GALNS: variants seen among roughly 807,000 people sequenced by gnomAD.
GALNS encodes the protein N-acetylgalactosamine-6-sulfatase.
Under a neutral mutation model 65.9 loss-of-function variants are expected in GALNS, and 65 were observed. That is an observed-to-expected ratio of 0.99 (90% confidence interval 0.81 to 1.21). GALNS has a LOEUF of 1.21. Among genes scored for constraint, GALNS ranks in the 50% most tolerant of loss-of-function variants. The probability of loss-of-function intolerance (pLI) is 0.00; values close to 1 mark genes in which losing one functional copy is unlikely to be tolerated. For synonymous variants in GALNS, 346 were observed against 288.9 expected, an observed-to-expected ratio of 1.20 and a Z score of -2.00; for missense variants, 776 against 700.7, an observed-to-expected ratio of 1.11 and a Z score of -1.21.
At chr16:88,843,229 G>C in intron 1 of GALNS, 2 of 1,303,350 alleles carry the variant, frequency 1.5e-6, no homozygotes, top group Middle Eastern at 2.1e-4. Flanking sequence ...ACAGGCCCTC[G>C]TATGTCTGTA....
At chr16:88,851,910 G>A (rs1055062663) in intron 1 of GALNS, among the ~76,000 whole-genome samples, 6 of 152,262 alleles carry the variant, frequency 3.9e-5, no homozygotes, top group African/African-American at 1.2e-4. Context: ...TGCCTCTGTA[G>A]ACCCCACCTC....
At chr16:88,853,997 G>C (rs1266220101) in intron 1 of GALNS, among the ~76,000 whole-genome samples, 1 of 152,166 alleles carries the variant, frequency 6.6e-6, no homozygotes. Context: ...AGCTAGTTTT[G>C]GGGACAACCC....
rs1158178178 is a variant in GALNS, at chr16:88,824,830, G to A, written c.1179C>T (p.Ala393=). ...AGTGAGCCTTGTGCTGCCCGAGGGTGGCCGCCATCAGCGTGTCGCCACGGT... is the reference window on the plus strand; with the variant it reads ...AGTGAGCCTTGTGCTGCCCGAGGGTAGCCGCCATCAGCGTGTCGCCACGGT... ...FYYRGDTLMA[A]TLGQHKAHFW... is the part of the protein sequence containing the mutation. Residue 393 remains alanine (A), a synonymous_variant, in exon 11 of 14, where the codon GCC becomes GCT. Transcript: ENST00000268695. The A allele has an allele frequency of 1.2e-6, 2 of 1,613,312 alleles. No homozygotes were observed. Among genetic ancestry groups the A allele is most frequent in the Non-Finnish European group, 8.5e-7 (1 of 1,180,020 alleles).
chr16:88,852,964 G>A lies in GALNS; in HGVS notation c.120+3794C>T, dbSNP rs762484411. Among the ~76,000 whole-genome samples, 18 of 151,076 alleles carry A rather than the reference G, an allele frequency of 1.2e-4. No homozygotes were observed. In the South Asian group the frequency reaches 1.5e-3, roughly 12 times the overall value. ...AGCCAGACCTTGTCTCAAAAAAAAA[G>A]TCCTGGCTGGGTGTGGTGGCTCATG... On this transcript the variant is annotated intron_variant, in intron 1 of 13. Transcript: ENST00000268695.
intron 4 of GALNS, among the ~76,000 whole-genome samples, chr16:88,839,203 G>A (rs1042406789): frequency 2.7e-5 from 4 of 147,558 alleles, no homozygotes; most frequent in Non-Finnish European, 4.5e-5. Context: ...GTGCGCCCAC[G>A]TCCACAGGTC....
At chr16:88,855,060 G>A (rs528553615) in intron 1 of GALNS, 15 of 392,220 alleles carry the variant, frequency 3.8e-5, no homozygotes, top group East Asian at 2.8e-4. Flanking sequence ...CTATGGAAAC[G>A]TAGGGTGAGT....
chr16:88,822,550 G>C (rs778873962), intron 12 of GALNS, 39 bp downstream of exon 12: 26 of 1,610,790 alleles, frequency 1.6e-5, no homozygotes, highest in East Asian at 2.2e-5. Context: ...AGTCCGGCTG[G>C]CACTGCCTCA....
intron 1 of GALNS, among the ~76,000 whole-genome samples, chr16:88,851,802 G>A (rs1400168896): frequency 5.3e-5 from 8 of 152,238 alleles, no homozygotes; most frequent in African/African-American, 1.7e-4. Context: ...CAGCCTGCCT[G>A]GGGAGGGGCG....
chr16:88,847,781 A>G (rs1365849856), intron 1 of GALNS, among the ~76,000 whole-genome samples: 1 of 152,254 alleles, frequency 6.6e-6, no homozygotes, highest in Non-Finnish European at 1.5e-5. Context: ...GACACGCAGC[A>G]CCTGGTGAGA....
In GALNS at chr16:88,841,000, G is replaced by A. The variant is rs774910085; in HGVS notation, c.414C>T (p.Val138=). ...LKKAGYVSKI[V]GKWHLGHRPQ... is the part of the protein sequence containing the mutation. ...GTGGCCAGGAGACTTACCACTTGCCGACAATCTTGCTGACGTAGCCGGCCT... is the reference window on the plus strand; with the variant it reads ...GTGGCCAGGAGACTTACCACTTGCCAACAATCTTGCTGACGTAGCCGGCCT... The change falls in exon 4 of 14, where the codon GTC becomes GTT. Residue 138 remains valine (V), a synonymous_variant. Coordinates refer to ENST00000268695, the MANE Select transcript of GALNS (RefSeq NM_000512.5). 6.8e-6 allele frequency: 11 copies of A among 1,612,800 alleles called. No homozygotes were observed. Among genetic ancestry groups the A allele is most frequent in the East Asian group, 4.5e-5 (2 of 44,890 alleles).
At chr16:88,855,430 A>T in intron 1 of GALNS, 1 of 702,838 alleles carries the variant, frequency 1.4e-6, no homozygotes. Flanking sequence ...TATCTTTAGG[A>T]GGGAGATGCC....
At chr16:88,842,921 G>A in intron 1 of GALNS, 92 bp from the exon 2 acceptor site, 2 of 1,557,036 alleles carry the variant, frequency 1.3e-6, no homozygotes, top group Non-Finnish European at 1.7e-6. Flanking sequence ...GCGTGTCGGG[G>A]ACCGTGGAAG....
At chr16:88,843,747 T>C (rs1363150559) in intron 1 of GALNS, 1 of 129,332 alleles carries the variant, frequency 7.7e-6, no homozygotes, top group Non-Finnish European at 1.5e-5. Context: ...AAGAATCCAT[T>C]TCCGCTAAGG....
rs112059346 is a variant in GALNS, at chr16:88,850,718, C to T, written c.120+6040G>A. ...GGAACCCTCCCCAGGCGGAGCCACA[C>T]GGGACGCTCGGGCTGCGAGCACAGG... On this transcript the variant is annotated intron_variant, in intron 1 of 13. Transcript: ENST00000268695. Among the ~76,000 whole-genome samples, 552 of 152,312 alleles carry T rather than the reference C, an allele frequency of 3.6e-3. 2 individuals carry two copies. Among genetic ancestry groups the T allele is most frequent in the African/African-American group, 0.012 (517 of 41,574 alleles).
At chr16:88,841,185 CA>C in intron 3 of GALNS, 91 bp from the exon 4 acceptor site, 1 of 974,290 alleles carries the variant, frequency 1.0e-6, no homozygotes. Flanking sequence ...TGCGTCCACA[CA>C]TCCTAACAGG....
intron 1 of GALNS, among the ~76,000 whole-genome samples, chr16:88,846,335 G>A (rs758166188): frequency 4.6e-5 from 7 of 152,058 alleles, no homozygotes; most frequent in South Asian, 4.1e-4. Context: ...GAAGGTGGCC[G>A]TGTGGCAATG....
At chr16:88,840,421 G>A (rs1966910043) in intron 4 of GALNS, 1 of 173,280 alleles carries the variant, frequency 5.8e-6, no homozygotes, top group Admixed American at 5.5e-5. Flanking sequence ...AACCCTCTAG[G>A]CTCACTCAGG....
In GALNS at chr16:88,840,814, G is replaced by A. The variant is rs375590260; in HGVS notation, c.422+178C>T. The A allele has an allele frequency of 8.8e-5, 57 of 649,214 alleles. No homozygotes were observed. The African/African-American group carries it at 9.5e-4, about 11-fold the overall frequency. The allele number at this position is 649,214 out of a possible 1,614,324, so 40.2% of individuals were successfully genotyped here. A position where few individuals can be genotyped will look rare whatever the true frequency, so the allele number is the denominator to read the frequency against. On this transcript the variant is annotated intron_variant, in intron 4 of 13. Coordinates refer to ENST00000268695, the MANE Select transcript of GALNS (RefSeq NM_000512.5). Reference sequence around the variant, plus strand: ...AGCCTGGTGACCTGAGATCCTGCTGGCAAGGTCACGCTGGCCTGCACAGGG... The same window carrying A: ...AGCCTGGTGACCTGAGATCCTGCTGACAAGGTCACGCTGGCCTGCACAGGG...
intron 8 of GALNS, among the ~76,000 whole-genome samples, chr16:88,834,693 T>G (rs1165018790): frequency 7.1e-6 from 1 of 141,816 alleles, no homozygotes; most frequent in African/African-American, 2.6e-5. Context: ...TGGGGATGGG[T>G]CAGGCATTCA....
Sources: gnomAD v4.1 joint callset for allele counts (sites outside exome capture counted in the v4.1 genomes callset) on GRCh38, gnomAD v4.1.1 for gene constraint, MANE v1.5 for transcripts, NCBI Gene and HGNC (gene_info 2026-07-23, HGNC 2026-07-21) for gene names.